CPS1: variants seen among roughly 807,000 people sequenced by gnomAD.
The protein encoded by CPS1 is carbamoyl-phosphate synthase 1.
A neutral mutation model predicts 174.6 loss-of-function variants in CPS1; 109 were observed. The ratio of observed to expected loss-of-function variants is 0.62; its 90% CI spans 0.53 to 0.73. The LOEUF (loss-of-function observed/expected upper bound fraction) is 0.73, where lower values mean the gene tolerates loss of function less well. Ranked by LOEUF, CPS1 falls within the 30% of genes least tolerant of loss-of-function variation. The pLI, the probability that CPS1 is intolerant of heterozygous loss-of-function variation, is 0.00. For synonymous variants in CPS1, 637 were observed against 632.0 expected (o/e 1.01, Z -0.12); for missense variants, 1,689 against 1,821.9 (o/e 0.93, Z 1.33).
Position 210,608,520 on chromosome 2 carries a change from A to G in CPS1, c.2352A>G (p.Thr784=), listed in dbSNP as rs182565798. The part of the protein sequence containing the change: ...PRWDLDRFHG[T]SSRIGSSMKS... ...GGGATCTTGACCGTTTTCATGGAAC[A>G]TCTAGCCGAATTGGTAGCTCTATGA... The change falls in exon 19 of 38, where the codon ACA becomes ACG. Residue 784 remains threonine (T), a synonymous_variant. Coordinates refer to ENST00000233072, the MANE Select transcript of CPS1 (RefSeq NM_001875.5). 153 of 1,612,138 alleles carry G rather than the reference A, an allele frequency of 9.5e-5. 1 individual carries two copies. The East Asian group carries it at 3.0e-3, about 32-fold the overall frequency.
intron 19 of CPS1, 143 bp from the exon 20 acceptor site, chr2:210,611,974 T>TTC (rs2105858684): frequency 1.3e-6 from 1 of 747,686 alleles, no homozygotes; most frequent in Non-Finnish European, 2.1e-6. Flanking sequence ...GGAACACCTT[T>TTC]TTTTTTTTTT....
At chr2:210,551,118 C>T (rs939431804) in intron 1 of CPS1, among the ~76,000 whole-genome samples, 2 of 151,898 alleles carry the variant, frequency 1.3e-5, no homozygotes. Context: ...TCCTCTACAA[C>T]TTTTATTTAT....
chr2:210,674,588 GA>G (rs1199762445), intron 34 of CPS1: 1 of 358,496 alleles, frequency 2.8e-6, no homozygotes, highest in Non-Finnish European at 5.2e-6. Flanking sequence ...CCCTGACCAG[GA>G]AAAGGATCCT....
chr2:210,559,898 T>C (rs1697042690), intron 1 of CPS1, among the ~76,000 whole-genome samples: 2 of 152,110 alleles, frequency 1.3e-5, no homozygotes, highest in African/African-American at 2.4e-5. Context: ...ACCATTAAAC[T>C]GAACATTTTA....
intron 1 of CPS1, among the ~76,000 whole-genome samples, chr2:210,517,784 C>T (rs542448464): frequency 1.1e-4 from 16 of 151,938 alleles, no homozygotes; most frequent in Non-Finnish European, 2.1e-4. Context: ...CCATAAAGTT[C>T]GCAGTTAGAA....
chr2:210,573,241 A>G, intron 1 of CPS1, 57 bp from the exon 2 acceptor site: 1 of 1,419,994 alleles, frequency 7.0e-7, no homozygotes, highest in Non-Finnish European at 1.0e-6. Flanking sequence ...CCTTTGGAAT[A>G]TTTTTGTGTG....
At chr2:210,490,964 C>T (rs1384530924) in intron 1 of CPS1, among the ~76,000 whole-genome samples, 1 of 152,184 alleles carries the variant, frequency 6.6e-6, no homozygotes, top group Non-Finnish European at 1.5e-5. Context: ...TAGGATCCCT[C>T]ATCTGTAAGA....
chr2:210,612,636 T>C (rs1699169334), intron 20 of CPS1, among the ~76,000 whole-genome samples: 1 of 151,958 alleles, frequency 6.6e-6, no homozygotes, highest in South Asian at 2.1e-4. Flanking sequence ...CTATTAACTT[T>C]ATTACATGTT....
intron 33 of CPS1, among the ~76,000 whole-genome samples, chr2:210,667,970 C>G (rs1330677942): frequency 2.6e-5 from 4 of 152,066 alleles, no homozygotes; most frequent in Non-Finnish European, 5.9e-5. Flanking sequence ...TACATCTGCC[C>G]TGGCCAGCCT....
chr2:210,505,500 A>C (rs1437424359), intron 1 of CPS1, among the ~76,000 whole-genome samples: 1 of 152,080 alleles, frequency 6.6e-6, no homozygotes, highest in Non-Finnish European at 1.5e-5. Flanking sequence ...TTTCCAACTG[A>C]GGTACTGGGT....
intron 4 of CPS1, among the ~76,000 whole-genome samples, chr2:210,578,149 C>T (rs549187468): frequency 6.6e-6 from 1 of 152,030 alleles, no homozygotes; most frequent in East Asian, 1.9e-4. Flanking sequence ...ACTCTTGTTG[C>T]CCAGGCTGGA....
intron 1 of CPS1, among the ~76,000 whole-genome samples, chr2:210,482,868 TA>T (rs1192990474): frequency 6.6e-6 from 1 of 152,228 alleles, no homozygotes; most frequent in Non-Finnish European, 1.5e-5. Flanking sequence ...TGTGTACTTA[TA>T]GGTGGTTATT....
chr2:210,651,147 G>A (rs1700546170), intron 28 of CPS1, among the ~76,000 whole-genome samples: 1 of 151,814 alleles, frequency 6.6e-6, no homozygotes, highest in South Asian at 2.1e-4. Flanking sequence ...AGCTTGTTGG[G>A]GCTTTTTTTT....
In CPS1 at chr2:210,658,586, C is replaced by CT. The variant is rs1700802274; in HGVS notation, c.3667-8dup. 6.2e-7 allele frequency: 1 copy of CT among 1,611,396 alleles called. No homozygotes were observed. The highest frequency in any genetic ancestry group is 1.3e-5 in the African/African-American group (1 of 74,830). On this transcript the variant is annotated splice_polypyrimidine_tract_variant and intron_variant, in intron 30 of 37. Coordinates refer to ENST00000233072, the MANE Select transcript of CPS1 (RefSeq NM_001875.5). ...CTCTTTAGCACACTATACGATTATG[C>CT]TTTTTAATTCAGGTGAAGGATGCTA...
intron 1 of CPS1, among the ~76,000 whole-genome samples, chr2:210,542,151 C>G (rs1696449697): frequency 6.6e-6 from 1 of 152,100 alleles, no homozygotes; most frequent in Non-Finnish European, 1.5e-5. Flanking sequence ...CTTCCACACC[C>G]CAATTTCTAA....
At chr2:210,627,391 AT>A (rs1699728971) in intron 21 of CPS1, among the ~76,000 whole-genome samples, 1 of 152,108 alleles carries the variant, frequency 6.6e-6, no homozygotes, top group Admixed American at 6.6e-5. Flanking sequence ...CTTGCCTTCC[AT>A]GTTTAGGGAG....
intron 25 of CPS1, among the ~76,000 whole-genome samples, chr2:210,646,228 A>G (rs1427049513): frequency 6.6e-6 from 1 of 152,186 alleles, no homozygotes; most frequent in African/African-American, 2.4e-5. Context: ...TAAGTCTCTA[A>G]AACATTAACA....
chr2:210,510,889 T>C (rs1262852147), intron 1 of CPS1, among the ~76,000 whole-genome samples: 1 of 152,210 alleles, frequency 6.6e-6, no homozygotes, highest in Non-Finnish European at 1.5e-5. Flanking sequence ...CAACAGGTGC[T>C]GAAGAGGATG....
At chr2:210,540,810 G>A (rs938934632) in intron 1 of CPS1, among the ~76,000 whole-genome samples, 23 of 151,944 alleles carry the variant, frequency 1.5e-4, no homozygotes, top group African/African-American at 5.1e-4. Context: ...TTATAATATC[G>A]ACTACTTTGT....
Sources: allele counts gnomAD v4.1 joint callset (sites outside exome capture counted in the v4.1 genomes callset), GRCh38; gene constraint gnomAD v4.1.1; transcripts MANE v1.5; gene names NCBI Gene and HGNC (gene_info 2026-07-23, HGNC 2026-07-21).